The following ADAM10 variants were observed in gnomAD, a reference collection of about 807,000 sequenced individuals.
The protein encoded by ADAM10 is ADAM metallopeptidase domain 10.
A neutral mutation model predicts 90.1 loss-of-function variants in ADAM10; 17 were observed. The ratio of observed to expected loss-of-function variants is 0.19; its 90% confidence interval spans 0.13 to 0.28. The LOEUF is 0.28. ADAM10 is among the 10% of genes least tolerant of loss of function. The pLI, the probability that ADAM10 is intolerant of heterozygous loss-of-function variation, is 1.00. For missense variants in ADAM10, 610 were observed against 914.3 expected, an observed-to-expected ratio of 0.67 and a Z score of 4.29; for synonymous variants, 310 against 298.6, an observed-to-expected ratio of 1.04 and a Z score of -0.40.
At chr15:58,604,889 C>A (rs1895226503) in intron 14 of ADAM10, among the ~76,000 whole-genome samples, 1 of 152,130 alleles carries the variant, frequency 6.6e-6, no homozygotes, top group Non-Finnish European at 1.5e-5. Context: ...GTACATGCCG[C>A]CACACCCTGC....
At chr15:58,649,498 A>G (rs905142259) in intron 5 of ADAM10, among the ~76,000 whole-genome samples, 3 of 152,150 alleles carry the variant, frequency 2.0e-5, no homozygotes, top group Admixed American at 6.5e-5. Flanking sequence ...GAAAAAAACT[A>G]CTTTTAGCGT....
At chr15:58,691,619 G>C (rs1353488447) in intron 2 of ADAM10, 1 of 423,378 alleles carries the variant, frequency 2.4e-6, no homozygotes, top group Non-Finnish European at 4.7e-6. Context: ...CTAATTTCTT[G>C]TTATTCTCCT....
At chr15:58,667,129 T>C (rs1397733983) in intron 4 of ADAM10, among the ~76,000 whole-genome samples, 1 of 152,150 alleles carries the variant, frequency 6.6e-6, no homozygotes, top group Non-Finnish European at 1.5e-5. Context: ...CCAAACAGCA[T>C]ATTCTTTCAC....
chr15:58,684,780 G>A (rs867572876), intron 2 of ADAM10, among the ~76,000 whole-genome samples: 2 of 152,206 alleles, frequency 1.3e-5, no homozygotes, highest in African/African-American at 4.8e-5. Context: ...CAGGTGGTCC[G>A]AAGTACAGGT....
At chr15:58,720,404 A>AT (rs879811536) in intron 1 of ADAM10, among the ~76,000 whole-genome samples, 508 of 45,268 alleles carry the variant, frequency 0.011, 16 homozygotes, top group Admixed American at 0.09. Context: ...ATTTTATTTT[A>AT]TTTTTTTTTT....
intron 8 of ADAM10, among the ~76,000 whole-genome samples, chr15:58,639,737 T>C (rs906932700): frequency 1.3e-5 from 2 of 152,060 alleles, no homozygotes; most frequent in African/African-American, 4.8e-5. Flanking sequence ...TGTAAAAGTA[T>C]TGACTTAAGA....
intron 11 of ADAM10, among the ~76,000 whole-genome samples, chr15:58,612,903 C>T (rs1895489504): frequency 1.3e-5 from 2 of 152,168 alleles, no homozygotes; most frequent in African/African-American, 4.8e-5. Flanking sequence ...CACTGCAAGA[C>T]ACAAGTACCA....
intron 2 of ADAM10, among the ~76,000 whole-genome samples, chr15:58,711,929 AAG>A (rs1201602072): frequency 6.6e-6 from 1 of 150,450 alleles, no homozygotes; most frequent in Non-Finnish European, 1.5e-5. Context: ...AGGAAGAAGA[AAG>A]AGTGGAGTGA....
intron 5 of ADAM10, among the ~76,000 whole-genome samples, chr15:58,651,056 G>A (rs1896674107): frequency 6.6e-6 from 1 of 151,750 alleles, no homozygotes; most frequent in Non-Finnish European, 1.5e-5. Flanking sequence ...TATCTTTTGT[G>A]AAGTGTCTTT....
At chr15:58,598,681 T>C (rs909255886) in intron 15 of ADAM10, among the ~76,000 whole-genome samples, 1 of 152,226 alleles carries the variant, frequency 6.6e-6, no homozygotes, top group Non-Finnish European at 1.5e-5. Flanking sequence ...ACAATGTCTG[T>C]CCTCACACCT....
chr15:58,644,234 G>C (rs200015622), intron 6 of ADAM10, among the ~76,000 whole-genome samples: 2 of 133,562 alleles, frequency 1.5e-5, no homozygotes, highest in African/African-American at 5.5e-5. Context: ...TTCTTTTTTT[G>C]TTTTTTTTTT....
chr15:58,606,878 C>G (rs564828022), intron 14 of ADAM10, among the ~76,000 whole-genome samples: 1 of 152,280 alleles, frequency 6.6e-6, no homozygotes, highest in South Asian at 2.1e-4. Flanking sequence ...CATAAAAGCC[C>G]AGATAAACAT....
At chr15:58,717,528 G>T (rs763693813) in intron 2 of ADAM10, 49 bp downstream of exon 2, 1 of 1,606,654 alleles carries the variant, frequency 6.2e-7, no homozygotes, top group Non-Finnish European at 8.5e-7. Flanking sequence ...CTTTAACTTA[G>T]ATTGAATATA....
At chr15:58,730,006 A>C (rs1053383427) in intron 1 of ADAM10, among the ~76,000 whole-genome samples, 2 of 148,592 alleles carry the variant, frequency 1.3e-5, no homozygotes, top group East Asian at 4.2e-4. Context: ...AAACAAACAA[A>C]AAAAAAAACT....
At chr15:58,699,547 CCAGGAGT>C (rs1898073964) in intron 2 of ADAM10, among the ~76,000 whole-genome samples, 1 of 17,402 alleles carries the variant, frequency 5.7e-5, no homozygotes, top group Admixed American at 4.3e-4. Context: ...TCACTTGAGG[CCAGGAGT>C]TTGAGACCAG....
At position 58,597,530 on chromosome 15, in the gene ADAM10, C is replaced by G. The variant is rs1204276114; in HGVS notation, c.*17G>C. On this transcript the variant is annotated 3_prime_UTR_variant, in exon 16 of 16. Coordinates refer to ENST00000260408, the MANE Select transcript of ADAM10 (RefSeq NM_001110.4). Reference sequence around the variant, plus strand: ...TCCCATTGTAGGCACTAGGAAGAACCAAGGCAAAAGCTGCAGTTAGCGTCT... The same window carrying G: ...TCCCATTGTAGGCACTAGGAAGAACGAAGGCAAAAGCTGCAGTTAGCGTCT... 6.2e-7 allele frequency: 1 copy of G among 1,613,826 alleles called. No individual in the cohort carries two copies. Among genetic ancestry groups the G allele is most frequent in the Non-Finnish European group, 8.5e-7 (1 of 1,179,980 alleles).
chr15:58,717,179 T>C (rs1367963759), intron 2 of ADAM10, among the ~76,000 whole-genome samples: 7 of 24,058 alleles, frequency 2.9e-4, no homozygotes, highest in African/African-American at 5.6e-4. Flanking sequence ...AGCTGTCATT[T>C]TAGAACTGGT....
intron 5 of ADAM10, among the ~76,000 whole-genome samples, chr15:58,658,019 A>G (rs1039630073): frequency 1.3e-5 from 2 of 151,520 alleles, no homozygotes; most frequent in Admixed American, 1.3e-4. Context: ...ATGTTTTTTG[A>G]GGCAAGGTTT....
At position 58,665,164 on chromosome 15, in the gene ADAM10, C is replaced by G; in HGVS notation, c.518G>C (p.Cys173Ser). The G allele has an allele frequency of 6.2e-7, 1 of 1,613,282 alleles. No individual in the cohort carries two copies. The highest frequency in any genetic ancestry group is 8.5e-7 in the Non-Finnish European group (1 of 1,179,328). Residue 173 changes from cysteine (C) to serine (S), a missense_variant, in exon 5 of 16, where the codon TGT becomes TCT. Around this residue, in one of 4 missense-constraint regions of ADAM10, gnomAD observed 310 missense variants for 362.4 expected, o/e 0.86. Transcript: ENST00000260408. ...TCTTTCAAATACTGAATGATCTGCA[C>G]AGCCCCCCTGAGGACCGTATTTATG... is the stretch of plus-strand genomic sequence containing the variant. ...YPHKYGPQGG[C>S]ADHSVFERMR... is the part of the protein sequence containing the mutation.
Sources: gnomAD v4.1 joint callset for allele counts (sites outside exome capture counted in the v4.1 genomes callset) on GRCh38, gnomAD v4.1.1 for gene constraint, gnomAD v4.1.1 regional missense constraint, MANE v1.5 for transcripts, NCBI Gene and HGNC (gene_info 2026-07-23, HGNC 2026-07-21) for gene names.